Variants in FBXL17 observed in about 807,000 individuals in gnomAD.
The protein encoded by FBXL17 is F-box and leucine rich repeat protein 17, also known as F-box/LRR-repeat protein 17.
A neutral mutation model predicts 66.2 loss-of-function variants in FBXL17; 22 were observed. The observed-to-expected ratio is 0.33, with a 90% CI of 0.24 to 0.47. The LOEUF (loss-of-function observed/expected upper bound fraction) is 0.47, where lower values mean the gene tolerates loss of function less well. FBXL17 is among the 20% of genes least tolerant of loss of function. The pLI is 1.00. For missense variants in FBXL17, 878 were observed against 948.2 expected (o/e 0.93, Z 0.97); for synonymous variants, 474 against 400.5 (o/e 1.18, Z -2.19).
chr5:107,956,452 G>A (rs868714638), intron 7 of FBXL17, among the ~76,000 whole-genome samples: 9 of 152,252 alleles, frequency 5.9e-5, no homozygotes, highest in Middle Eastern at 6.8e-3. Context: ...AGTGTAAGGC[G>A]TAGTGATCAG....
chr5:108,231,991 C>CTGAGG (rs71224890), intron 4 of FBXL17, among the ~76,000 whole-genome samples: 42,401 of 151,720 alleles, frequency 0.28, 6,440 homozygotes, highest in Middle Eastern at 0.37. Context: ...CTATGACCTG[C>CTGAGG]TGAGGTGCTT....
intron 5 of FBXL17, among the ~76,000 whole-genome samples, chr5:108,222,479 A>T (rs534018637): frequency 6.6e-6 from 1 of 152,268 alleles, no homozygotes; most frequent in South Asian, 2.1e-4. Context: ...ATACAGCAAT[A>T]ATTGAGAATA....
At chr5:108,150,259 C>T (rs1193389792) in intron 6 of FBXL17, among the ~76,000 whole-genome samples, 1 of 152,098 alleles carries the variant, frequency 6.6e-6, no homozygotes, top group African/African-American at 2.4e-5. Context: ...TACAGTCTAT[C>T]TCTACTTGTC....
At chr5:108,332,862 C>T (rs984315266) in intron 4 of FBXL17, among the ~76,000 whole-genome samples, 8 of 150,346 alleles carry the variant, frequency 5.3e-5, no homozygotes, top group Non-Finnish European at 1.0e-4. Flanking sequence ...ACCGCCTCGG[C>T]CTCCCAAAGT....
chr5:108,104,452 T>C (rs953897165), intron 6 of FBXL17, among the ~76,000 whole-genome samples: 1 of 152,372 alleles, frequency 6.6e-6, no homozygotes, highest in African/African-American at 2.4e-5. Context: ...CTTGAATTTA[T>C]AGAACATCAC....
chr5:107,994,593 A>T (rs1753390287), intron 7 of FBXL17, among the ~76,000 whole-genome samples: 1 of 152,214 alleles, frequency 6.6e-6, no homozygotes, highest in Non-Finnish European at 1.5e-5. Flanking sequence ...TAATCCCAGC[A>T]CTTTGGGAGG....
chr5:108,151,211 A>G (rs1322887922), intron 6 of FBXL17, among the ~76,000 whole-genome samples: 1 of 152,146 alleles, frequency 6.6e-6, no homozygotes, highest in East Asian at 1.9e-4. Context: ...CGGCTCCTAT[A>G]TAGGACAAAC....
In FBXL17 at chr5:108,053,030, G is replaced by A. The variant is rs201236034; in HGVS notation, c.1746-32029C>T. On this transcript the variant is annotated intron_variant, in intron 6 of 8. Coordinates refer to ENST00000542267, the MANE Select transcript of FBXL17 (RefSeq NM_001163315.3). ...CTGAAACTGGACCCCTTCCTTACACGTTACATAAAAATTAACTCAAGATGG... is the reference window on the plus strand; with the variant it reads ...CTGAAACTGGACCCCTTCCTTACACATTACATAAAAATTAACTCAAGATGG... Among the ~76,000 whole-genome samples the A allele has an allele frequency of 2.2e-4, 34 of 152,058 alleles. No homozygotes were observed. The East Asian group carries it at 4.1e-3, about 18-fold the overall frequency.
At chr5:108,261,848 A>G (rs1756834345) in intron 4 of FBXL17, among the ~76,000 whole-genome samples, 1 of 152,106 alleles carries the variant, frequency 6.6e-6, no homozygotes, top group African/African-American at 2.4e-5. Context: ...CAGAAATAAT[A>G]AAGTGAATAA....
At chr5:108,032,584 C>G (rs1286088630) in intron 6 of FBXL17, among the ~76,000 whole-genome samples, 1 of 152,072 alleles carries the variant, frequency 6.6e-6, no homozygotes, top group Non-Finnish European at 1.5e-5. Context: ...GGCAATATTA[C>G]TACAGAAACA....
At chr5:108,004,856 C>T (rs901330262) in intron 7 of FBXL17, among the ~76,000 whole-genome samples, 1 of 152,160 alleles carries the variant, frequency 6.6e-6, no homozygotes, top group East Asian at 1.9e-4. Flanking sequence ...TTATATAATA[C>T]ATTCTTGCAA....
rs187441332 is a variant in FBXL17 at position 107,896,659 on chromosome 5, C to A, written c.1823-15480G>T. Reference sequence around the variant, plus strand: ...CATGCCACTAGTGTTGCTGAAAATGCTCCCAAGAAGCAGAGAAAAGCCATG... The same window carrying A: ...CATGCCACTAGTGTTGCTGAAAATGATCCCAAGAAGCAGAGAAAAGCCATG... On this transcript the variant is annotated intron_variant, in intron 7 of 8. Transcript: ENST00000542267. Among the ~76,000 whole-genome samples the A allele has an allele frequency of 2.6e-5, 4 of 152,248 alleles. No individual in the cohort carries two copies. In the South Asian group the frequency reaches 8.3e-4, roughly 32 times the overall value.
chr5:108,062,704 A>T (rs986819377), intron 6 of FBXL17, among the ~76,000 whole-genome samples: 4 of 152,050 alleles, frequency 2.6e-5, no homozygotes, highest in African/African-American at 4.8e-5. Flanking sequence ...TTCATTAAAA[A>T]TTTTTCTTGT....
intron 6 of FBXL17, among the ~76,000 whole-genome samples, chr5:108,078,113 C>G (rs1422742246): frequency 2.0e-5 from 3 of 152,202 alleles, no homozygotes; most frequent in African/African-American, 4.8e-5. Context: ...AGAAATGCCT[C>G]TTGTTAAAAA....
chr5:108,145,885 T>A (rs36004426), intron 6 of FBXL17, among the ~76,000 whole-genome samples: 1,552 of 151,402 alleles, frequency 0.01, 14 homozygotes, highest in East Asian at 0.066. Flanking sequence ...GTACCGACAC[T>A]GAGAGAGAAA....
chr5:108,258,134 T>C (rs1196263761), intron 4 of FBXL17, among the ~76,000 whole-genome samples: 2 of 152,146 alleles, frequency 1.3e-5, no homozygotes, highest in Non-Finnish European at 2.9e-5. Context: ...GATAGGGTCT[T>C]TGGAATGTAA....
intron 7 of FBXL17, among the ~76,000 whole-genome samples, chr5:107,972,087 G>C (rs1426132569): frequency 6.6e-6 from 1 of 152,202 alleles, no homozygotes. Flanking sequence ...GTGTGTGAAG[G>C]AAGAATAAAG....
At chr5:108,314,443 G>A (rs948104176) in intron 4 of FBXL17, among the ~76,000 whole-genome samples, 1 of 151,556 alleles carries the variant, frequency 6.6e-6, no homozygotes, top group Non-Finnish European at 1.5e-5. Flanking sequence ...TAGAAAACAA[G>A]TACAATAAGA....
In FBXL17 at chr5:107,866,399, A is replaced by G. The variant is rs139212843; in HGVS notation, c.1966-4539T>C. Among the ~76,000 whole-genome samples the G allele has an allele frequency of 1.0e-3, 155 of 152,310 alleles. 1 individual carries two copies. The highest frequency in any genetic ancestry group is 3.6e-3 in the African/African-American group (149 of 41,576). ...TTTTAAGGTGGTAGCAATTTGTCTG[A>G]TATTTTAATCTATTTTGAGTTAACA... On this transcript the variant is annotated intron_variant, in intron 8 of 8. Coordinates refer to ENST00000542267, the MANE Select transcript of FBXL17 (RefSeq NM_001163315.3).
Sources: gnomAD v4.1 joint callset for allele counts (sites outside exome capture counted in the v4.1 genomes callset) on GRCh38, gnomAD v4.1.1 for gene constraint, MANE v1.5 for transcripts, NCBI Gene and HGNC (gene_info 2026-07-23, HGNC 2026-07-21) for gene names.